Variants in PTRH2 observed in about 807,000 individuals in gnomAD.
The protein encoded by PTRH2 is peptidyl-tRNA hydrolase 2, also known as peptidyl-tRNA hydrolase 2, mitochondrial.
Under a neutral mutation model 12.3 loss-of-function variants are expected in PTRH2, and 10 were observed. The ratio of observed to expected loss-of-function variants is 0.81; its 90% CI spans 0.50 to 1.38. The LOEUF (loss-of-function observed/expected upper bound fraction) is 1.38, where lower values mean the gene tolerates loss of function less well. Ranked by LOEUF, PTRH2 falls within the 40% of genes most tolerant of loss-of-function variation. The pLI is 0.00. For missense variants in PTRH2, 176 were observed against 214.1 expected (o/e 0.82, Z 1.11); for synonymous variants, 73 against 77.4 (o/e 0.94, Z 0.30).
Position 59,697,442 on chromosome 17 carries a change from G to A in PTRH2, c.537C>T (p.Tyr179=), listed in dbSNP as rs768159887. 7.5e-6 allele frequency: 12 copies of A among 1,603,812 alleles called. No individual in the cohort carries two copies. The highest frequency in any genetic ancestry group is 5.0e-5 in the Admixed American group (3 of 59,590). The part of the protein sequence containing the change: ...IDKVTGHLKL[Y] ...TTGTTGTCATATCAAAGTCCACCTA[G>A]TAAAGTTTTAGGTGACCAGTGACTT... Residue 179 remains tyrosine (Y), a synonymous_variant, in exon 2 of 2, where the codon TAC becomes TAT. Transcript: ENST00000393038.
chr17:59,698,279 C>A, intron 1 of PTRH2: 1 of 366,028 alleles, frequency 2.7e-6, no homozygotes, highest in Non-Finnish European at 5.0e-6. Context: ...GGAGATGTTC[C>A]GTTTTACCAA....
intron 1 of PTRH2, among the ~76,000 whole-genome samples, chr17:59,706,605 G>A (rs2033670122): frequency 2.0e-5 from 3 of 151,926 alleles, no homozygotes; most frequent in African/African-American, 4.8e-5. Context: ...GGTGCCTGGG[G>A]TATGTCAGTA....
At chr17:59,705,938 A>G (rs1028278043) in intron 1 of PTRH2, among the ~76,000 whole-genome samples, 1 of 152,084 alleles carries the variant, frequency 6.6e-6, no homozygotes, top group Non-Finnish European at 1.5e-5. Flanking sequence ...AATAAGATCA[A>G]AAACAGGACA....
rs1474248900 is a variant in PTRH2, at chr17:59,707,150, A to T, written c.-1+221T>A. 3 of 152,290 alleles carry T rather than the reference A, an allele frequency of 2.0e-5. No individual in the cohort carries two copies. In the East Asian group the frequency reaches 5.8e-4, roughly 29 times the overall value. The allele number at this position is 152,290 out of a possible 1,614,324, so 9.4% of individuals were successfully genotyped here. The stretch of plus-strand genomic sequence containing the variant: ...CTGGAGGCTTTGCTGGGAACTAGAA[A>T]TTCTGAGTCTTCCCCTCCCCAGCAG... On this transcript the variant is annotated intron_variant, in intron 1 of 1. Transcript: ENST00000393038.
intron 1 of PTRH2, among the ~76,000 whole-genome samples, chr17:59,701,820 C>T (rs1403074089): frequency 1.3e-5 from 2 of 151,862 alleles, no homozygotes; most frequent in African/African-American, 2.4e-5. Context: ...ATTCTCCTGC[C>T]TCAGCCTCCC....
rs763966443 is a variant in PTRH2 at position 59,697,764 on chromosome 17, C to T, written c.215G>A (p.Arg72Gln). 6.8e-6 allele frequency: 11 copies of T among 1,614,050 alleles called. No homozygotes were observed. In the Admixed American group the frequency reaches 8.3e-5, roughly 12 times the overall value. The change falls in exon 2 of 2, where the codon CGA becomes CAA. Residue 72 changes from arginine to glutamine, a missense_variant. Arg to Gln is a conservative substitution (Grantham distance 43). Coordinates refer to ENST00000393038, the MANE Select transcript of PTRH2 (RefSeq NM_016077.5). ...CCCTTTTCCCATCTTTAAGTCATTT[C>T]GAACCACAAGAATCATCTTGTACTC... ...SGEYKMILVV[R>Q]NDLKMGKGKV...
At chr17:59,699,125 G>C (rs1237100431) in intron 1 of PTRH2, 5 of 442,422 alleles carry the variant, frequency 1.1e-5, no homozygotes, top group African/African-American at 9.5e-5. Flanking sequence ...ATATTTCTCT[G>C]TAGCAAGCAA....
chr17:59,705,702 C>T (rs2033632124), intron 1 of PTRH2, among the ~76,000 whole-genome samples: 1 of 152,084 alleles, frequency 6.6e-6, no homozygotes, highest in African/African-American at 2.4e-5. Flanking sequence ...ATCTCGAGTC[C>T]AGTTCAAAAC....
chr17:59,705,095 A>G (rs1567990279), intron 1 of PTRH2, among the ~76,000 whole-genome samples: 2 of 152,162 alleles, frequency 1.3e-5, no homozygotes, highest in Admixed American at 6.5e-5. Flanking sequence ...CCAAGTTTCT[A>G]TTTGATGCTT....
chr17:59,697,477 G>C lies in PTRH2; in HGVS notation c.502C>G (p.Leu168Val). The stretch of plus-strand genomic sequence containing the variant: ...AGGTGACCAGTGACTTTGTCAATTA[G>C]GTCTGCTGGTCCTGGCCCAATCCCT... ...VLGIGPGPAD[L>V]IDKVTGHLKL... is the part of the protein sequence containing the mutation. The change falls in exon 2 of 2, where the codon CTA (leucine) becomes GTA (valine). Residue 168 changes from leucine (L) to valine (V), a missense_variant. By Grantham distance (32) the Leu-to-Val change is conservative. Transcript: ENST00000393038. The C allele has an allele frequency of 6.2e-7, 1 of 1,613,698 alleles. No homozygotes were observed. Among genetic ancestry groups the C allele is most frequent in the Non-Finnish European group, 8.5e-7 (1 of 1,179,690 alleles).
At chr17:59,700,657 G>A (rs184072478) in intron 1 of PTRH2, 18 of 152,260 alleles carry the variant, frequency 1.2e-4, no homozygotes, top group Admixed American at 9.2e-4. Flanking sequence ...GATATAAGGC[G>A]ACACAGAGGA....
intron 1 of PTRH2, among the ~76,000 whole-genome samples, chr17:59,704,890 C>G (rs1038991990): frequency 6.6e-6 from 1 of 152,082 alleles, no homozygotes; most frequent in East Asian, 1.9e-4. Flanking sequence ...CGGGTTCAAG[C>G]AATTCTCCCG....
At chr17:59,700,031 A>G (rs892731240) in intron 1 of PTRH2, 15 of 152,278 alleles carry the variant, frequency 9.9e-5, no homozygotes, top group African/African-American at 2.9e-4. Context: ...GCCCAGCATC[A>G]CAAGAGTGTA....
In PTRH2 at chr17:59,697,989, A is replaced by G; in HGVS notation, c.1-11T>C. The stretch of plus-strand genomic sequence containing the variant: ...GGATTTGGAGGGCATCTTAAAGGAA[A>G]GGAAAACAGTTATCACTATCCGGCA... On this transcript the variant is annotated splice_polypyrimidine_tract_variant and intron_variant, in intron 1 of 1. Transcript: ENST00000393038. 1 of 1,606,946 alleles carries G rather than the reference A, an allele frequency of 6.2e-7. No individual in the cohort carries two copies. Among genetic ancestry groups the G allele is most frequent in the Non-Finnish European group, 8.5e-7 (1 of 1,178,046 alleles).
intron 1 of PTRH2, among the ~76,000 whole-genome samples, chr17:59,706,765 C>T (rs1253631718): frequency 6.6e-6 from 1 of 151,904 alleles, no homozygotes; most frequent in African/African-American, 2.4e-5. Context: ...CCTCCGCCTC[C>T]CGAGTTCAAG....
chr17:59,697,425 A>C lies in PTRH2; in HGVS notation c.*14T>G, dbSNP rs763069369. Reference sequence around the variant, plus strand: ...CACTTGTGATGGAGGGGTTGTTGTCATATCAAAGTCCACCTAGTAAAGTTT... The same window carrying C: ...CACTTGTGATGGAGGGGTTGTTGTCCTATCAAAGTCCACCTAGTAAAGTTT... On this transcript the variant is annotated 3_prime_UTR_variant, in exon 2 of 2. Coordinates refer to ENST00000393038, the MANE Select transcript of PTRH2 (RefSeq NM_016077.5). 44 of 1,593,430 alleles carry C rather than the reference A, an allele frequency of 2.8e-5. 1 individual carries two copies. In the Admixed American group the frequency reaches 7.5e-4, roughly 27 times the overall value.
intron 1 of PTRH2, chr17:59,700,155 G>A (rs143068974): frequency 3.9e-5 from 6 of 152,238 alleles, no homozygotes; most frequent in Admixed American, 1.3e-4. Context: ...ATCCTAAGTC[G>A]GAGACTGTCC....
At chr17:59,706,766 C>T (rs998771284) in intron 1 of PTRH2, among the ~76,000 whole-genome samples, 5 of 151,762 alleles carry the variant, frequency 3.3e-5, no homozygotes, top group Non-Finnish European at 7.4e-5. Flanking sequence ...CTCCGCCTCC[C>T]GAGTTCAAGT....
In PTRH2 at chr17:59,697,438, C is replaced by T. The variant is rs147383883; in HGVS notation, c.*1G>A. On this transcript the variant is annotated 3_prime_UTR_variant, in exon 2 of 2. Transcript: ENST00000393038. ...GGGGTTGTTGTCATATCAAAGTCCACCTAGTAAAGTTTTAGGTGACCAGTG... is the reference window on the plus strand; with the variant it reads ...GGGGTTGTTGTCATATCAAAGTCCATCTAGTAAAGTTTTAGGTGACCAGTG... 8 of 1,602,394 alleles carry T rather than the reference C, an allele frequency of 5.0e-6. No individual in the cohort carries two copies. In the African/African-American group the frequency reaches 9.4e-5, roughly 19 times the overall value.
Sources: gnomAD v4.1 joint callset for allele counts (sites outside exome capture counted in the v4.1 genomes callset) on GRCh38, gnomAD v4.1.1 for gene constraint, MANE v1.5 for transcripts, NCBI Gene and HGNC (gene_info 2026-07-23, HGNC 2026-07-21) for gene names.